Variants in SAMD13 observed in about 807,000 individuals in gnomAD.
The protein encoded by SAMD13 is sterile alpha motif domain containing 13, also known as sterile alpha motif domain-containing protein 13.
Under a neutral mutation model 12.4 loss-of-function variants are expected in SAMD13, and 9 were observed. The ratio of observed to expected loss-of-function variants is 0.72; its 90% CI spans 0.44 to 1.26. The LOEUF is 1.26. SAMD13 is among the 50% of genes most tolerant of loss of function. SAMD13 has a pLI of 0.00. For missense variants in SAMD13, 84 were observed against 119.6 expected, an observed-to-expected ratio of 0.70 and a Z score of 1.39; for synonymous variants, 46 against 45.4, an observed-to-expected ratio of 1.01 and a Z score of -0.05.
intron 2 of SAMD13, among the ~76,000 whole-genome samples, chr1:84,309,149 A>T (rs545181288): frequency 1.3e-5 from 2 of 152,174 alleles, no homozygotes; most frequent in Non-Finnish European, 2.9e-5. Context: ...AGAAGTGAAT[A>T]CTTAAAAATG....
At chr1:84,309,778 G>A (rs930683794) in intron 2 of SAMD13, among the ~76,000 whole-genome samples, 1 of 152,044 alleles carries the variant, frequency 6.6e-6, no homozygotes, top group Non-Finnish European at 1.5e-5. Flanking sequence ...TCACAGAAGA[G>A]GAAATATATA....
intron 3 of SAMD13, among the ~76,000 whole-genome samples, chr1:84,334,879 A>G (rs1344453727): frequency 6.6e-6 from 1 of 151,886 alleles, no homozygotes; most frequent in African/African-American, 2.4e-5. Context: ...CCTCTTACTG[A>G]TATATATTTT....
intron 3 of SAMD13, among the ~76,000 whole-genome samples, chr1:84,328,751 G>A (rs1679112727): frequency 6.6e-6 from 1 of 152,116 alleles, no homozygotes; most frequent in Non-Finnish European, 1.5e-5. Context: ...AGAAAATGCA[G>A]GCCTTCTCCA....
chr1:84,333,323 G>A (rs1679230250), intron 3 of SAMD13, among the ~76,000 whole-genome samples: 1 of 152,060 alleles, frequency 6.6e-6, no homozygotes, highest in South Asian at 2.1e-4. Flanking sequence ...TAATGATATC[G>A]ATTATTTTTA....
At chr1:84,338,432 C>CTTTT (rs201864672) in intron 3 of SAMD13, among the ~76,000 whole-genome samples, 187 of 100,598 alleles carry the variant, frequency 1.9e-3, no homozygotes, top group African/African-American at 7.0e-3. Flanking sequence ...ACTCATCTCT[C>CTTTT]TTTTTTTTTT....
intron 2 of SAMD13, among the ~76,000 whole-genome samples, chr1:84,317,275 C>T (rs1251550650): frequency 6.6e-6 from 1 of 152,030 alleles, no homozygotes; most frequent in Non-Finnish European, 1.5e-5. Flanking sequence ...GCATCCTTGC[C>T]TCGTTCCTGA....
chr1:84,302,278 T>C (rs1436362607), intron 1 of SAMD13, among the ~76,000 whole-genome samples: 2 of 151,560 alleles, frequency 1.3e-5, no homozygotes, highest in Non-Finnish European at 2.9e-5. Flanking sequence ...TGAGTGGAAA[T>C]GTATTTAATT....
chr1:84,305,016 C>T (rs935546253), intron 2 of SAMD13, among the ~76,000 whole-genome samples: 1 of 152,018 alleles, frequency 6.6e-6, no homozygotes, highest in African/African-American at 2.4e-5. Context: ...CATATGCTTT[C>T]ATTTCTCTTT....
At chr1:84,315,656 T>A (rs1176628607) in intron 2 of SAMD13, among the ~76,000 whole-genome samples, 1 of 152,202 alleles carries the variant, frequency 6.6e-6, no homozygotes, top group African/African-American at 2.4e-5. Context: ...CATATCTTGG[T>A]GAATAGCATT....
chr1:84,334,371 T>C (rs566170662), intron 3 of SAMD13, among the ~76,000 whole-genome samples: 2 of 152,276 alleles, frequency 1.3e-5, no homozygotes, highest in Non-Finnish European at 2.9e-5. Flanking sequence ...GAGGGTTTTT[T>C]AAAAAATATT....
chr1:84,320,874 A>G (rs1678928630), intron 2 of SAMD13, among the ~76,000 whole-genome samples: 1 of 152,204 alleles, frequency 6.6e-6, no homozygotes. Flanking sequence ...GAGTTGTGAT[A>G]TTACATGTGG....
chr1:84,350,723 A>G lies in SAMD13; in HGVS notation c.*949A>G, dbSNP rs537792547. 108 of 152,646 alleles carry G rather than the reference A, an allele frequency of 7.1e-4. No individual in the cohort carries two copies. Among genetic ancestry groups the G allele is most frequent in the African/African-American group, 2.3e-3 (95 of 41,522 alleles). The allele number at this position is 152,646 out of a possible 1,614,324, so 9.5% of individuals were successfully genotyped here. A position where few individuals can be genotyped will look rare whatever the true frequency, so the allele number is the denominator to read the frequency against. On this transcript the variant is annotated 3_prime_UTR_variant, in exon 4 of 4. Transcript: ENST00000394834. ...TTGCTACATCTCTGTTCAAAGAGACATTTGTTCAATCTCTGTGTGTCAACG... is the reference window on the plus strand; with the variant it reads ...TTGCTACATCTCTGTTCAAAGAGACGTTTGTTCAATCTCTGTGTGTCAACG...
intron 2 of SAMD13, among the ~76,000 whole-genome samples, chr1:84,309,512 T>C (rs1156939967): frequency 6.6e-6 from 1 of 152,186 alleles, no homozygotes; most frequent in Non-Finnish European, 1.5e-5. Flanking sequence ...CTCCCAGCCT[T>C]GACCCACAAA....
At chr1:84,323,030 C>T (rs1162016377) in intron 2 of SAMD13, among the ~76,000 whole-genome samples, 2 of 152,104 alleles carry the variant, frequency 1.3e-5, no homozygotes, top group East Asian at 3.9e-4. Flanking sequence ...TGAGGAAAGG[C>T]GACTAACTGA....
intron 3 of SAMD13, among the ~76,000 whole-genome samples, chr1:84,331,501 A>G (rs1679185726): frequency 6.6e-6 from 1 of 152,144 alleles, no homozygotes; most frequent in Admixed American, 6.6e-5. Context: ...CCAAGTATTG[A>G]AAATATTTGA....
At chr1:84,306,695 G>T (rs984412250) in intron 2 of SAMD13, among the ~76,000 whole-genome samples, 13 of 150,412 alleles carry the variant, frequency 8.6e-5, no homozygotes, top group African/African-American at 3.2e-4. Context: ...GCCAGGTGTG[G>T]TGTTACATGC....
intron 3 of SAMD13, among the ~76,000 whole-genome samples, chr1:84,347,265 A>T (rs1284101079): frequency 6.6e-6 from 1 of 152,198 alleles, no homozygotes; most frequent in East Asian, 1.9e-4. Context: ...GTATGAATTA[A>T]CTATATTTAT....
chr1:84,324,024 C>T (rs1396657239), intron 2 of SAMD13, among the ~76,000 whole-genome samples: 1 of 152,174 alleles, frequency 6.6e-6, no homozygotes, highest in Non-Finnish European at 1.5e-5. Context: ...TCTACTCCCT[C>T]CATTCTCTAT....
intron 2 of SAMD13, among the ~76,000 whole-genome samples, chr1:84,310,820 T>C (rs974764660): frequency 6.6e-6 from 1 of 152,166 alleles, no homozygotes; most frequent in African/African-American, 2.4e-5. Flanking sequence ...GCTTATCAAT[T>C]TCAATAAATC....
Sources: gnomAD v4.1 joint callset for allele counts (sites outside exome capture counted in the v4.1 genomes callset) on GRCh38, gnomAD v4.1.1 for gene constraint, MANE v1.5 for transcripts, NCBI Gene and HGNC (gene_info 2026-07-23, HGNC 2026-07-21) for gene names.